The following WDR33 variants were observed in gnomAD, a reference collection of about 807,000 sequenced individuals.
WDR33 encodes WD repeat domain 33, also known as pre-mRNA 3' end processing protein WDR33.
In WDR33, 47 loss-of-function variants were observed where a neutral mutation model predicts 164.9. The ratio of observed to expected loss-of-function variants is 0.29; its 90% CI spans 0.23 to 0.36. The LOEUF is 0.36. Ranked by LOEUF, WDR33 falls within the 10% of genes least tolerant of loss-of-function variation. WDR33 has a pLI of 1.00. For missense variants in WDR33, 1,137 were observed against 1,754.1 expected, an observed-to-expected ratio of 0.65 and a Z score of 6.28; for synonymous variants, 505 against 589.0, an observed-to-expected ratio of 0.86 and a Z score of 2.06.
Position 127,719,231 on chromosome 2 carries a change from C to G in WDR33, c.2760+34G>C, listed in dbSNP as rs763969778. 3 of 1,393,316 alleles carry G rather than the reference C, an allele frequency of 2.2e-6. No homozygotes were observed. The highest frequency in any genetic ancestry group is 1.9e-6 in the Non-Finnish European group (2 of 1,074,664). The allele number at this position is 1,393,316 out of a possible 1,614,324, so 86.3% of individuals were successfully genotyped here. A position where few individuals can be genotyped will look rare whatever the true frequency, so the allele number is the denominator to read the frequency against. ...ATTACTTCTGTGCAGAGTGTATTTTCCCAATGTGCCCGTGAGTTGGAAATG... is the reference window on the plus strand; with the variant it reads ...ATTACTTCTGTGCAGAGTGTATTTTGCCAATGTGCCCGTGAGTTGGAAATG... On this transcript the variant is annotated intron_variant, in intron 16 of 21. Coordinates refer to ENST00000322313, the MANE Select transcript of WDR33 (RefSeq NM_018383.5). This position sits in a 1 kb window ranked among gnomAD's most constrained non-coding sequence, Gnocchi z 6.5.
chr2:127,757,804 T>C (rs1490789532), intron 7 of WDR33, among the ~76,000 whole-genome samples: 1 of 152,198 alleles, frequency 6.6e-6, no homozygotes, highest in Non-Finnish European at 1.5e-5. Flanking sequence ...TTTTGGAACA[T>C]TCAAACTTTG....
chr2:127,795,646 C>T (rs1318568139), intron 1 of WDR33, among the ~76,000 whole-genome samples: 1 of 146,974 alleles, frequency 6.8e-6, no homozygotes, highest in African/African-American at 2.6e-5. Flanking sequence ...CATGGCAAAA[C>T]CTCCTTTCTA....
intron 1 of WDR33, among the ~76,000 whole-genome samples, chr2:127,791,709 T>C (rs1002558408): frequency 1.3e-5 from 2 of 152,158 alleles, no homozygotes; most frequent in Admixed American, 1.3e-4. Context: ...AGAAATCATA[T>C]GCTCAAGAGG....
rs1686439602 is a variant in WDR33 at position 127,721,585 on chromosome 2, C to T, written c.1671+251G>A. ...CCGTGATCGCACCACTGCATTCCAG[C>T]CTGGGTGACAGGGCATGACTCTGTC... On this transcript the variant is annotated intron_variant, in intron 15 of 21. Coordinates refer to ENST00000322313, the MANE Select transcript of WDR33 (RefSeq NM_018383.5). This position sits in a 1 kb window ranked among gnomAD's most constrained non-coding sequence, Gnocchi z 4.9. 6.6e-6 allele frequency among the ~76,000 whole-genome samples: 1 copy of T among 152,090 alleles called. No individual in the cohort carries two copies. Among genetic ancestry groups the T allele is most frequent in the Non-Finnish European group, 1.5e-5 (1 of 68,034 alleles).
chr2:127,794,663 G>A lies in WDR33; in HGVS notation c.-24+16349C>T, dbSNP rs201054941. ...ACCCGGCCAATATGGTGAAACCCCT[G>A]TCTCTACTAAAAATACAAAAATTAG... is the stretch of plus-strand genomic sequence containing the variant. On this transcript the variant is annotated intron_variant, in intron 1 of 21. Coordinates refer to ENST00000322313, the MANE Select transcript of WDR33 (RefSeq NM_018383.5). 3.9e-4 allele frequency among the ~76,000 whole-genome samples: 59 copies of A among 151,588 alleles called. 2 individuals are homozygous for A. In the East Asian group the frequency reaches 7.2e-3, roughly 18 times the overall value.
intron 1 of WDR33, among the ~76,000 whole-genome samples, chr2:127,772,898 G>A (rs539085152): frequency 2.7e-5 from 4 of 150,540 alleles, no homozygotes; most frequent in South Asian, 4.2e-4. Flanking sequence ...CAAGCAGGAG[G>A]ACTGCACTTG....
At chr2:127,786,190 T>G (rs1688560877) in intron 1 of WDR33, among the ~76,000 whole-genome samples, 1 of 152,164 alleles carries the variant, frequency 6.6e-6, no homozygotes, top group African/African-American at 2.4e-5. Context: ...TGTGCCACCA[T>G]GAGTGGTTAA....
intron 1 of WDR33, among the ~76,000 whole-genome samples, chr2:127,778,962 G>A (rs2105456685): frequency 6.6e-6 from 1 of 152,248 alleles, no homozygotes; most frequent in South Asian, 2.1e-4. Context: ...AATACAAAAT[G>A]AATTTACTGA....
In WDR33 at chr2:127,720,549, T is replaced by G. The variant is rs970600883; in HGVS notation, c.1672-196A>C. ...GTTTTAGGTTCTTTCTCATTCTTTT[T>G]AAGTCCTGGGACACAGTAGTAAGGA... On this transcript the variant is annotated intron_variant, in intron 15 of 21. Coordinates refer to ENST00000322313, the MANE Select transcript of WDR33 (RefSeq NM_018383.5). This position sits in a 1 kb window ranked among gnomAD's most constrained non-coding sequence, Gnocchi z 5.9. 1.3e-5 allele frequency among the ~76,000 whole-genome samples: 2 copies of G among 151,946 alleles called. No individual in the cohort carries two copies. Among genetic ancestry groups the G allele is most frequent in the African/African-American group, 4.8e-5 (2 of 41,440 alleles).
rs1686524594 is a variant in WDR33 at position 127,724,738 on chromosome 2, C to T, written c.1085+149G>A. 1 of 863,434 alleles carries T rather than the reference C, an allele frequency of 1.2e-6. No homozygotes were observed. The highest frequency in any genetic ancestry group is 1.9e-6 in the Non-Finnish European group (1 of 533,032). 53.5% of individuals were successfully genotyped at this position (863,434 alleles called of 1,614,324 possible). The stretch of plus-strand genomic sequence containing the variant: ...CACAAACAGAGGTACATTTTCTATT[C>T]CAAGCTGGATTTACAGAACTGAAAA... On this transcript the variant is annotated intron_variant, in intron 10 of 21. Transcript: ENST00000322313. This position sits in a 1 kb window ranked among gnomAD's most constrained non-coding sequence, Gnocchi z 4.8.
At chr2:127,711,773 T>TATATAGATATATATATATAG (rs1686177926) in intron 18 of WDR33, among the ~76,000 whole-genome samples, 1 of 95,258 alleles carries the variant, frequency 1.0e-5, no homozygotes, top group African/African-American at 5.8e-5. Flanking sequence ...TATATATATA[T>TATATAGATATATATATATAG]ATATATATTT....
intron 4 of WDR33, among the ~76,000 whole-genome samples, chr2:127,766,089 C>G (rs374167087): frequency 6.6e-6 from 1 of 152,092 alleles, no homozygotes; most frequent in Non-Finnish European, 1.5e-5. Context: ...ATTTTGATGT[C>G]ACAATTTGCA....
Position 127,722,111 on chromosome 2 carries a change from A to G in WDR33, c.1519-123T>C. 8.7e-7 allele frequency: 1 copy of G among 1,155,786 alleles called. No homozygotes were observed. The highest frequency in any genetic ancestry group is 1.2e-6 in the Non-Finnish European group (1 of 834,024). The allele number at this position is 1,155,786 out of a possible 1,614,324, so 71.6% of individuals were successfully genotyped here. On this transcript the variant is annotated intron_variant, in intron 14 of 21. Transcript: ENST00000322313. The surrounding 1 kb of genome is among the most constrained non-coding windows in gnomAD (Gnocchi z 5.1). ...CTCTGAACCGATTTTATTTCTTTTT[A>G]CCTTTTCTCCATGACTCAAGTACAT...
intron 18 of WDR33, among the ~76,000 whole-genome samples, chr2:127,711,782 T>TATATATATATATATA (rs1558919467): frequency 1.5e-3 from 124 of 84,368 alleles, no homozygotes; most frequent in Non-Finnish European, 2.1e-3. Context: ...ATATATATAT[T>TATATATATATATATA]TTTTTTTTGA....
Position 127,769,006 on chromosome 2 carries a change from T to TAAAC in WDR33, c.205-6_205-5insGTTT. On this transcript the variant is annotated splice_region_variant and splice_polypyrimidine_tract_variant and intron_variant, in intron 2 of 21. Transcript: ENST00000322313. ...GTCTCTTTGCCATATTCTGTTCTGT[T>TAAAC]AAATAAATAAATAAATAAATAAATA... 1 of 626,944 alleles carries TAAAC rather than the reference T, an allele frequency of 1.6e-6. No homozygotes were observed. The highest frequency in any genetic ancestry group is 2.0e-6 in the Non-Finnish European group (1 of 491,702). 38.8% of individuals were successfully genotyped at this position (626,944 alleles called of 1,614,324 possible).
intron 1 of WDR33, among the ~76,000 whole-genome samples, chr2:127,791,942 CTT>C (rs373606033): frequency 5.5e-5 from 8 of 144,334 alleles, no homozygotes; most frequent in Admixed American, 6.9e-5. Flanking sequence ...GTCTTAGTAT[CTT>C]TTTTTTTTTT....
chr2:127,805,127 G>A (rs1689390680), intron 1 of WDR33, among the ~76,000 whole-genome samples: 2 of 137,186 alleles, frequency 1.5e-5, no homozygotes, highest in Middle Eastern at 4.2e-3. Flanking sequence ...GCCTAGGCTG[G>A]AGTACAGCAG....
Position 127,709,592 on chromosome 2 carries a change from A to G in WDR33, c.3473-10T>C, listed in dbSNP as rs374289399. ...AAACCCTTCCTTCCTCCTACACAAC[A>G]GAGCAAACAATGCTGCACTCAGACT... On this transcript the variant is annotated splice_polypyrimidine_tract_variant and intron_variant, in intron 19 of 21. Transcript: ENST00000322313. This position sits in a 1 kb window ranked among gnomAD's most constrained non-coding sequence, Gnocchi z 5.0. 4 of 1,612,640 alleles carry G rather than the reference A, an allele frequency of 2.5e-6. No homozygotes were observed. In the African/African-American group the frequency reaches 5.3e-5, roughly 22 times the overall value.
intron 7 of WDR33, among the ~76,000 whole-genome samples, chr2:127,742,654 C>T (rs1386824620): frequency 6.7e-6 from 1 of 149,240 alleles, no homozygotes; most frequent in Admixed American, 6.7e-5. Flanking sequence ...AGGGCAGGAA[C>T]ACAAAACATG....
Sources: allele counts gnomAD v4.1 joint callset (sites outside exome capture counted in the v4.1 genomes callset), GRCh38; gene constraint gnomAD v4.1.1; non-coding constraint Gnocchi (gnomAD v3.1); transcripts MANE v1.5; gene names NCBI Gene and HGNC (gene_info 2026-07-23, HGNC 2026-07-21).